LEKR1: variants seen among roughly 807,000 people sequenced by gnomAD.
LEKR1 encodes the protein protein LEKR1.
A neutral mutation model predicts 72.4 loss-of-function variants in LEKR1; 59 were observed. The ratio of observed to expected loss-of-function variants is 0.82; its 90% CI spans 0.66 to 1.01. The LOEUF (loss-of-function observed/expected upper bound fraction) is 1.01, where lower values mean the gene tolerates loss of function less well. LEKR1 is among the 50% of genes least tolerant of loss of function. The probability of loss-of-function intolerance (pLI) is 0.00; values close to 1 mark genes in which losing one functional copy is unlikely to be tolerated. For missense variants in LEKR1, 728 were observed against 759.2 expected (o/e 0.96, Z 0.48); for synonymous variants, 257 against 263.2 (o/e 0.98, Z 0.23).
rs543605059 is a variant in LEKR1, at chr3:156,960,466, A to G, written c.745+17752A>G. Among the ~76,000 whole-genome samples the G allele has an allele frequency of 4.6e-5, 7 of 152,116 alleles. No individual in the cohort carries two copies. The East Asian group carries it at 1.2e-3, about 25-fold the overall frequency. On this transcript the variant is annotated intron_variant, in intron 6 of 12. Transcript: ENST00000356539. ...AAGCCTGGCTAATTTTTGTATTTTT[A>G]GTAGAGACGGGGTTTCACCATGTTG...
intron 7 of LEKR1, among the ~76,000 whole-genome samples, chr3:156,982,855 GTAGATAGATAGA>G (rs57476413): frequency 0.016 from 2,273 of 140,090 alleles, 34 homozygotes; most frequent in Non-Finnish European, 0.018. Context: ...GTGTGTGTGT[GTAGATAGATAGA>G]TAGATAGATA....
chr3:156,981,021 A>T (rs1053673797), intron 7 of LEKR1, among the ~76,000 whole-genome samples: 1 of 152,154 alleles, frequency 6.6e-6, no homozygotes, highest in East Asian at 1.9e-4. Flanking sequence ...CTATGGTCAG[A>T]TATGTTTAGA....
At chr3:156,868,951 A>ATT in intron 3 of LEKR1, among the ~76,000 whole-genome samples, 1 of 151,944 alleles carries the variant, frequency 6.6e-6, no homozygotes. Context: ...TGCAGCATTT[A>ATT]ACTTTCTGTT....
chr3:157,037,197 A>G (rs1481242737), intron 12 of LEKR1, among the ~76,000 whole-genome samples: 4 of 152,186 alleles, frequency 2.6e-5, no homozygotes, highest in South Asian at 2.1e-4. Context: ...ATTTTGAAGT[A>G]CTGAGGGTAA....
chr3:156,984,414 T>A (rs1044402396), intron 7 of LEKR1, among the ~76,000 whole-genome samples: 1 of 152,216 alleles, frequency 6.6e-6, no homozygotes, highest in Non-Finnish European at 1.5e-5. Context: ...CAGTGCCTCA[T>A]GCCTGTAATC....
At chr3:156,871,280 A>G (rs1021946672) in intron 3 of LEKR1, among the ~76,000 whole-genome samples, 4 of 152,168 alleles carry the variant, frequency 2.6e-5, no homozygotes, top group Non-Finnish European at 5.9e-5. Flanking sequence ...TACAAAGGAC[A>G]TGAACTCATC....
chr3:156,828,859 A>G (rs1254788766), intron 1 of LEKR1, among the ~76,000 whole-genome samples: 1 of 152,164 alleles, frequency 6.6e-6, no homozygotes, highest in Non-Finnish European at 1.5e-5. Flanking sequence ...TTAATCCAGC[A>G]TTCATGCCAC....
At chr3:156,844,602 T>C (rs1714341713) in intron 2 of LEKR1, among the ~76,000 whole-genome samples, 1 of 152,132 alleles carries the variant, frequency 6.6e-6, no homozygotes, top group East Asian at 1.9e-4. Context: ...GTTATATAAA[T>C]GGAATCATGT....
chr3:156,833,635 G>A (rs1712725718), intron 2 of LEKR1, among the ~76,000 whole-genome samples: 2 of 152,088 alleles, frequency 1.3e-5, no homozygotes, highest in Admixed American at 1.3e-4. Flanking sequence ...ATGTCAACAT[G>A]CCAAATAAGC....
At chr3:157,041,907 C>T (rs1194448238) in intron 12 of LEKR1, among the ~76,000 whole-genome samples, 1 of 152,188 alleles carries the variant, frequency 6.6e-6, no homozygotes. Flanking sequence ...TGATTCTTTT[C>T]ACGTATGATG....
At chr3:156,905,890 C>A (rs1220208975) in intron 3 of LEKR1, among the ~76,000 whole-genome samples, 2 of 152,078 alleles carry the variant, frequency 1.3e-5, no homozygotes, top group Non-Finnish European at 2.9e-5. Context: ...TTCTTTGTTG[C>A]AGTTCTAATT....
At chr3:157,024,382 T>C (rs151319909) in intron 10 of LEKR1, among the ~76,000 whole-genome samples, 36 of 152,200 alleles carry the variant, frequency 2.4e-4, no homozygotes, top group Non-Finnish European at 4.9e-4. Flanking sequence ...CCCTCTGAGT[T>C]TTAAGCAGAA....
chr3:156,961,779 T>C (rs1728153679), intron 6 of LEKR1, among the ~76,000 whole-genome samples: 1 of 152,192 alleles, frequency 6.6e-6, no homozygotes, highest in Non-Finnish European at 1.5e-5. Flanking sequence ...CTCAGTTACT[T>C]CATCTGTAAA....
chr3:156,974,077 T>G (rs1729486001), intron 6 of LEKR1, among the ~76,000 whole-genome samples: 1 of 152,010 alleles, frequency 6.6e-6, no homozygotes, highest in Non-Finnish European at 1.5e-5. Flanking sequence ...GGTAAAAAAC[T>G]TTCATTGTAG....
chr3:156,870,054 C>T (rs998834216), intron 3 of LEKR1, among the ~76,000 whole-genome samples: 54 of 152,054 alleles, frequency 3.6e-4, no homozygotes, highest in African/African-American at 1.2e-3. Flanking sequence ...ATGCTGTTCT[C>T]TTGGTCTATG....
intron 12 of LEKR1, among the ~76,000 whole-genome samples, chr3:157,038,693 T>C (rs2108045727): frequency 6.6e-6 from 1 of 152,278 alleles, no homozygotes; most frequent in Non-Finnish European, 1.5e-5. Context: ...TAAAGAAGGG[T>C]ACATGCAATA....
chr3:156,828,032 A>G (rs1711866203), intron 1 of LEKR1, among the ~76,000 whole-genome samples: 1 of 152,202 alleles, frequency 6.6e-6, no homozygotes, highest in African/African-American at 2.4e-5. Flanking sequence ...TCTGCCAAAC[A>G]TCAGATTATG....
chr3:157,033,996 CT>C (rs1233172196), intron 12 of LEKR1, among the ~76,000 whole-genome samples: 5 of 151,542 alleles, frequency 3.3e-5, no homozygotes, highest in African/African-American at 1.2e-4. Flanking sequence ...GACAGCACAT[CT>C]TTTTGCAGCA....
chr3:156,923,199 A>G (rs565159941), intron 4 of LEKR1, among the ~76,000 whole-genome samples: 5 of 152,270 alleles, frequency 3.3e-5, no homozygotes, highest in Non-Finnish European at 7.4e-5. Flanking sequence ...TTAAGGAGAC[A>G]ATTTAATTAT....
Sources: gnomAD v4.1 joint callset for allele counts (sites outside exome capture counted in the v4.1 genomes callset) on GRCh38, gnomAD v4.1.1 for gene constraint, MANE v1.5 for transcripts, NCBI Gene and HGNC (gene_info 2026-07-23, HGNC 2026-07-21) for gene names.